The following PTPRH variants were observed in gnomAD, a reference collection of about 807,000 sequenced individuals.
The protein encoded by PTPRH is receptor-type tyrosine-protein phosphatase H.
PTPRH carries 113 observed loss-of-function variants against 130.2 expected under a neutral mutation model. That is an observed-to-expected ratio of 0.87 (90% confidence interval 0.75 to 1.01). The LOEUF (loss-of-function observed/expected upper bound fraction) is 1.01. Ranked by LOEUF, PTPRH falls within the 50% of genes least tolerant of loss-of-function variation. The pLI is 0.00. For synonymous variants in PTPRH, 556 were observed against 577.9 expected, an observed-to-expected ratio of 0.96 and a Z score of 0.54; for missense variants, 1,430 against 1,425.0, an observed-to-expected ratio of 1.00 and a Z score of -0.06.
intron 6 of PTPRH, 143 bp from the exon 7 acceptor site, chr19:55,200,645 G>A (rs2086831276): frequency 2.0e-6 from 2 of 982,564 alleles, no homozygotes; most frequent in African/African-American, 3.3e-5. Flanking sequence ...TCTAGACCGT[G>A]TTTCTCAGAC....
At chr19:55,185,716 C>A (rs1448715279) in intron 17 of PTPRH, 54 bp from the exon 18 acceptor site, 9 of 1,600,684 alleles carry the variant, frequency 5.6e-6, no homozygotes, top group Non-Finnish European at 7.7e-6. Context: ...GAGGACCTGG[C>A]TTCTAGCACC....
chr19:55,193,671 C>T (rs563067941), intron 10 of PTPRH, among the ~76,000 whole-genome samples: 7 of 152,190 alleles, frequency 4.6e-5, no homozygotes, highest in African/African-American at 9.6e-5. Context: ...AGGATCTAGC[C>T]GGAAACGTCT....
intron 4 of PTPRH, among the ~76,000 whole-genome samples, chr19:55,204,506 T>G (rs997989729): frequency 2.6e-5 from 4 of 152,202 alleles, no homozygotes; most frequent in African/African-American, 9.6e-5. Flanking sequence ...CATTCTTTGC[T>G]GTGTGCACAT....
chr19:55,186,062 A>C (rs2086314545), intron 16 of PTPRH, 78 bp from the exon 17 acceptor site: 2 of 1,606,092 alleles, frequency 1.2e-6, no homozygotes, highest in Non-Finnish European at 1.7e-6. Flanking sequence ...CCCAAATGTG[A>C]ACCAGCAGAT....
chr19:55,205,938 A>T (rs986803506), intron 3 of PTPRH, among the ~76,000 whole-genome samples: 29 of 152,192 alleles, frequency 1.9e-4, no homozygotes, highest in Admixed American at 1.9e-3. Context: ...TCAAAATGAA[A>T]ATACCTTGTA....
intron 8 of PTPRH, 43 bp from the exon 9 acceptor site, chr19:55,197,459 C>T: frequency 6.5e-7 from 1 of 1,547,122 alleles, no homozygotes; most frequent in Non-Finnish European, 8.8e-7. Flanking sequence ...TCCTCGAAGA[C>T]CCTCCTACCC....
At chr19:55,189,581 G>T in intron 12 of PTPRH, 1 of 423,270 alleles carries the variant, frequency 2.4e-6, no homozygotes, top group Middle Eastern at 5.8e-4. Flanking sequence ...TCCTGGGAGC[G>T]CCTTTCCCAG....
intron 5 of PTPRH, among the ~76,000 whole-genome samples, chr19:55,203,244 C>G (rs372991010): frequency 3.4e-5 from 5 of 147,210 alleles, no homozygotes; most frequent in East Asian, 4.1e-4. Context: ...GGAGGATGGC[C>G]TGAACCCGGG....
intron 12 of PTPRH, among the ~76,000 whole-genome samples, chr19:55,191,121 C>A (rs1376413311): frequency 2.6e-5 from 4 of 152,216 alleles, no homozygotes; most frequent in African/African-American, 9.6e-5. Context: ...GGATTACAGG[C>A]ATGAGCCACC....
At chr19:55,183,560 C>T (rs556193832) in intron 18 of PTPRH, among the ~76,000 whole-genome samples, 4 of 151,832 alleles carry the variant, frequency 2.6e-5, no homozygotes, top group South Asian at 2.1e-4. Flanking sequence ...CTCATCTCCA[C>T]TAAAAATACC....
chr19:55,206,752 A>ACGT lies in PTPRH; in HGVS notation c.286_288dup (p.Thr96dup). 6.2e-7 allele frequency: 1 copy of ACGT among 1,613,672 alleles called. No homozygotes were observed. Among genetic ancestry groups the ACGT allele is most frequent in the Non-Finnish European group, 8.5e-7 (1 of 1,179,940 alleles). On this transcript the variant is annotated inframe_insertion, in exon 3 of 20. Coordinates refer to ENST00000376350, the MANE Select transcript of PTPRH (RefSeq NM_002842.5). Reference sequence around the variant, plus strand: ...CCGTCTTTCTCCACCCACACAGAACACGTATACAATGACCCGGGTCCAAGG... The same window carrying ACGT: ...CCGTCTTTCTCCACCCACACAGAACACGTCGTATACAATGACCCGGGTCCAAGG...
At chr19:55,196,938 G>T in intron 9 of PTPRH, 150 bp from the exon 10 acceptor site, 1 of 1,232,534 alleles carries the variant, frequency 8.1e-7, no homozygotes, top group Non-Finnish European at 1.1e-6. Flanking sequence ...CTCCCCGAAT[G>T]GACACAAATA....
At chr19:55,207,098 C>T in intron 2 of PTPRH, 68 bp downstream of exon 2, 1 of 1,601,860 alleles carries the variant, frequency 6.2e-7, no homozygotes, top group African/African-American at 1.3e-5. Context: ...GGGGACCCCC[C>T]AGAGGCTCAC....
rs61735061 is a variant in PTPRH at position 55,186,227 on chromosome 19, G to C, written c.2776C>G (p.Arg926Gly). The C allele has an allele frequency of 3.7e-6, 6 of 1,607,820 alleles. No individual in the cohort carries two copies. The highest frequency in any genetic ancestry group is 4.3e-6 in the Non-Finnish European group (5 of 1,175,564). Residue 926 changes from arginine to glycine, a missense_variant and splice_region_variant, in exon 16 of 20, where the codon CGG becomes GGG. Physicochemically the swap from Arg to Gly is moderately radical, Grantham distance 125. Coordinates refer to ENST00000376350, the MANE Select transcript of PTPRH (RefSeq NM_002842.5). ...CACCCAGGACTCAGATCTCTCACCCGGCCGGCCTCCATGCAGTTGGTCAGC... is the reference window on the plus strand; with the variant it reads ...CACCCAGGACTCAGATCTCTCACCCCGCCGGCCTCCATGCAGTTGGTCAGC... ...VMLTNCMEAGRVKCEHYWPLD... is the reference protein window; with the variant it reads ...VMLTNCMEAGGVKCEHYWPLD...
chr19:55,203,728 C>G, intron 5 of PTPRH, 54 bp downstream of exon 5: 1 of 1,548,122 alleles, frequency 6.5e-7, no homozygotes, highest in South Asian at 1.2e-5. Context: ...CCCAACCACC[C>G]CCTACCACTG....
intron 18 of PTPRH, among the ~76,000 whole-genome samples, chr19:55,183,117 T>C (rs2086221996): frequency 1.4e-5 from 2 of 145,688 alleles, no homozygotes; most frequent in South Asian, 2.4e-4. Context: ...TATTTTAGGC[T>C]GGGCACAGTG....
rs2086883305 is a variant in PTPRH, at chr19:55,202,139, T to C, written c.1070A>G (p.Glu357Gly). 1 of 1,614,072 alleles carries C rather than the reference T, an allele frequency of 6.2e-7. No homozygotes were observed. The highest frequency in any genetic ancestry group is 1.3e-5 in the African/African-American group (1 of 74,908). ...GGAAAACACATACAAACACCCGGGTTCAAGTCTATCCACGGTGATGTTGGT... is the reference window on the plus strand; with the variant it reads ...GGAAAACACATACAAACACCCGGGTCCAAGTCTATCCACGGTGATGTTGGT... Reference protein sequence around the residue: ...AHTNITVDRLEPGCLYVFSVW... With the variant: ...AHTNITVDRLGPGCLYVFSVW... Residue 357 changes from glutamate (E) to glycine (G), a missense_variant, in exon 6 of 20, where the codon GAA becomes GGA. Transcript: ENST00000376350.
chr19:55,198,548 G>T, intron 8 of PTPRH, 95 bp downstream of exon 8: 1 of 1,334,830 alleles, frequency 7.5e-7, no homozygotes, highest in South Asian at 1.8e-5. Context: ...GAGGCCCATG[G>T]GTACTCTTCA....
rs73066680 is a variant in PTPRH at position 55,196,507 on chromosome 19, C to G, written c.2257+15G>C. 6.2e-7 allele frequency: 1 copy of G among 1,601,418 alleles called. No homozygotes were observed. Among genetic ancestry groups the G allele is most frequent in the African/African-American group, 1.3e-5 (1 of 74,704 alleles). On this transcript the variant is annotated intron_variant, in intron 10 of 19. Coordinates refer to ENST00000376350, the MANE Select transcript of PTPRH (RefSeq NM_002842.5). Reference sequence around the variant, plus strand: ...AATTTCATCATAGCTGGCTGGCCCGCGCGGCTCCGCTCACCTGCACTCTCG... The same window carrying G: ...AATTTCATCATAGCTGGCTGGCCCGGGCGGCTCCGCTCACCTGCACTCTCG...
Sources: gnomAD v4.1 joint callset for allele counts (sites outside exome capture counted in the v4.1 genomes callset) on GRCh38, gnomAD v4.1.1 for gene constraint, MANE v1.5 for transcripts, NCBI Gene and HGNC (gene_info 2026-07-23, HGNC 2026-07-21) for gene names.